Variants in PCDHGA1 observed in about 807,000 individuals in gnomAD.
PCDHGA1 encodes protocadherin gamma subfamily A, 1.
In PCDHGA1, 32 loss-of-function variants were observed where a neutral mutation model predicts 58.0. The observed-to-expected ratio is 0.55, with a 90% CI of 0.42 to 0.74. The LOEUF is 0.74. PCDHGA1 is among the 30% of genes least tolerant of loss of function. The probability of loss-of-function intolerance (pLI) is 0.00; values close to 1 mark genes in which losing one functional copy is unlikely to be tolerated. For synonymous variants in PCDHGA1, 498 were observed against 501.1 expected (o/e 0.99, Z 0.08); for missense variants, 1,205 against 1,182.3 (o/e 1.02, Z -0.28).
chr5:141,347,137 CTCTTTCTTTCTTTCTT>C (rs70988799), intron 1 of PCDHGA1, among the ~76,000 whole-genome samples: 2,102 of 113,832 alleles, frequency 0.018, 34 homozygotes, highest in Non-Finnish European at 0.025. Flanking sequence ...CTCTGTTTCT[CTCTTTCTTTCTTTCTT>C]TCTTTCTTTC....
At chr5:141,402,284 T>C (rs2150926780) in intron 1 of PCDHGA1, among the ~76,000 whole-genome samples, 1 of 152,054 alleles carries the variant, frequency 6.6e-6, no homozygotes, top group African/African-American at 2.4e-5. Context: ...GGATAATCTA[T>C]CCTTATATAT....
intron 1 of PCDHGA1, among the ~76,000 whole-genome samples, chr5:141,492,798 C>T (rs1219815576): frequency 6.6e-6 from 1 of 152,250 alleles, no homozygotes; most frequent in Non-Finnish European, 1.5e-5. Flanking sequence ...GACAGCAGGA[C>T]TGGGACTCCA....
Position 141,432,098 on chromosome 5 carries a change from G to A in PCDHGA1, c.2422-62709G>A. 1.2e-6 allele frequency: 2 copies of A among 1,614,056 alleles called. No homozygotes were observed. Among genetic ancestry groups the A allele is most frequent in the Non-Finnish European group, 1.7e-6 (2 of 1,180,002 alleles). ...CTCGCTGAACGTGGCAGACACCAAC[G>A]ACAACCCGCCGGTCTTCCCTCAGGC... On this transcript the variant is annotated intron_variant, in intron 1 of 3. Transcript: ENST00000517417. The surrounding 1 kb of genome is among the most constrained non-coding windows in gnomAD (Gnocchi z 6.0).
chr5:141,430,655 G>C (rs1309165721), intron 1 of PCDHGA1: 2 of 1,085,056 alleles, frequency 1.8e-6, no homozygotes, highest in Non-Finnish European at 2.6e-6. Flanking sequence ...TGGAAACAAC[G>C]GAGGAGCTCT....
chr5:141,409,231 C>T (rs756486864), intron 1 of PCDHGA1: 7 of 1,613,926 alleles, frequency 4.3e-6, no homozygotes, highest in Admixed American at 3.3e-5. Flanking sequence ...AAAACGACAA[C>T]AGCCCAGAAA....
intron 1 of PCDHGA1, among the ~76,000 whole-genome samples, chr5:141,442,784 A>C (rs1267270442): frequency 2.0e-5 from 3 of 152,212 alleles, no homozygotes; most frequent in Non-Finnish European, 4.4e-5. Flanking sequence ...ATTATATTTT[A>C]TAATTTTACT....
chr5:141,441,041 C>T (rs2098220628), intron 1 of PCDHGA1: 1 of 152,152 alleles, frequency 6.6e-6, no homozygotes, highest in African/African-American at 2.4e-5. Context: ...ACTTTAAGTA[C>T]ATTGGACTTT....
At position 141,431,496 on chromosome 5, in the gene PCDHGA1, A is replaced by C. The variant is rs1223687647; in HGVS notation, c.2422-63311A>C. On this transcript the variant is annotated intron_variant, in intron 1 of 3. Coordinates refer to ENST00000517417, the MANE Select transcript of PCDHGA1 (RefSeq NM_018912.3). This position sits in a 1 kb window ranked among gnomAD's most constrained non-coding sequence, Gnocchi z 4.8. ...AACGCACCAGCGTTTGCTCAGCCCGAGTACCGCGCGAGCGTTCCGGAGAAT... is the reference window on the plus strand; with the variant it reads ...AACGCACCAGCGTTTGCTCAGCCCGCGTACCGCGCGAGCGTTCCGGAGAAT... 5 of 1,614,020 alleles carry C rather than the reference A, an allele frequency of 3.1e-6. No individual in the cohort carries two copies. The South Asian group carries it at 4.4e-5, about 14-fold the overall frequency.
At chr5:141,339,935 C>T in intron 1 of PCDHGA1, 1 of 1,614,142 alleles carries the variant, frequency 6.2e-7, no homozygotes, top group Non-Finnish European at 8.5e-7. Flanking sequence ...TATTGAAGCT[C>T]AGGATGGTCC....
At chr5:141,413,724 C>T (rs751084568) in intron 1 of PCDHGA1, 2 of 1,613,426 alleles carry the variant, frequency 1.2e-6, no homozygotes, top group East Asian at 2.2e-5. Context: ...AGCACTTCTC[C>T]CTAAGAGTTC....
At chr5:141,415,885 C>G in intron 1 of PCDHGA1, 2 of 979,016 alleles carry the variant, frequency 2.0e-6, no homozygotes, top group Non-Finnish European at 2.7e-6. Flanking sequence ...ACAATATTGA[C>G]AATTCCTAAG....
chr5:141,494,882 C>T lies in PCDHGA1; in HGVS notation c.2480+17C>T, dbSNP rs771484301. On this transcript the variant is annotated intron_variant, in intron 2 of 3. Transcript: ENST00000517417. ...CACCAGCGGGTAGGTGACTGATTCT[C>T]CAGCCCACCCTCTTCTCTGCGGCAT... is the stretch of plus-strand genomic sequence containing the variant. 35 of 1,614,128 alleles carry T rather than the reference C, an allele frequency of 2.2e-5. No homozygotes were observed. The highest frequency in any genetic ancestry group is 3.3e-4 in the Middle Eastern group (2 of 6,060).
At position 141,494,880 on chromosome 5, in the gene PCDHGA1, C is replaced by G. The variant is rs950094823; in HGVS notation, c.2480+15C>G. On this transcript the variant is annotated intron_variant, in intron 2 of 3. Transcript: ENST00000517417. ...GGCACCAGCGGGTAGGTGACTGATT[C>G]TCCAGCCCACCCTCTTCTCTGCGGC... The G allele has an allele frequency of 3.7e-6, 6 of 1,614,040 alleles. No individual in the cohort carries two copies. The African/African-American group carries it at 6.7e-5, about 18-fold the overall frequency.
chr5:141,420,960 T>C, intron 1 of PCDHGA1: 1 of 425,378 alleles, frequency 2.4e-6, no homozygotes, highest in East Asian at 3.9e-5. Context: ...TCTTAGTCGT[T>C]GCAATAATAA....
At chr5:141,445,109 T>C (rs571834974) in intron 1 of PCDHGA1, among the ~76,000 whole-genome samples, 23 of 152,246 alleles carry the variant, frequency 1.5e-4, no homozygotes, top group Non-Finnish European at 2.8e-4. Flanking sequence ...TCTAATGTTA[T>C]TGTAAATAGT....
At chr5:141,430,331 T>C (rs1266364984) in intron 1 of PCDHGA1, among the ~76,000 whole-genome samples, 2 of 150,984 alleles carry the variant, frequency 1.3e-5, no homozygotes, top group Non-Finnish European at 2.9e-5. Context: ...TCATTGTTTA[T>C]AGAAACTTCC....
intron 1 of PCDHGA1, chr5:141,356,736 G>C: frequency 6.2e-7 from 1 of 1,613,970 alleles, no homozygotes; most frequent in Non-Finnish European, 8.5e-7. Flanking sequence ...CCAATACAGG[G>C]ATCCTATATG....
chr5:141,419,035 T>G, intron 1 of PCDHGA1: 1 of 1,613,954 alleles, frequency 6.2e-7, no homozygotes, highest in Non-Finnish European at 8.5e-7. Context: ...GTGTTCCATT[T>G]AAGATTCATT....
chr5:141,341,210 C>G, intron 1 of PCDHGA1: 2 of 1,614,220 alleles, frequency 1.2e-6, no homozygotes, highest in Non-Finnish European at 1.7e-6. Context: ...GGACGGGGTT[C>G]GGGCTTTCCT....
Sources: allele counts gnomAD v4.1 joint callset (sites outside exome capture counted in the v4.1 genomes callset), GRCh38; gene constraint gnomAD v4.1.1; non-coding constraint Gnocchi (gnomAD v3.1); transcripts MANE v1.5; gene names NCBI Gene and HGNC (gene_info 2026-07-23, HGNC 2026-07-21).